The following DYNC2H1 variants were observed in gnomAD, a reference collection of about 807,000 sequenced individuals.
DYNC2H1 encodes the protein dynein cytoplasmic 2 heavy chain 1.
A neutral mutation model predicts 570.0 loss-of-function variants in DYNC2H1; 410 were observed. The observed-to-expected ratio is 0.72, with a 90% CI of 0.66 to 0.78. The LOEUF (loss-of-function observed/expected upper bound fraction) is 0.78. DYNC2H1 is among the 30% of genes least tolerant of loss of function. The probability of loss-of-function intolerance (pLI) is 0.00; values close to 1 mark genes in which losing one functional copy is unlikely to be tolerated. For synonymous variants in DYNC2H1, 1,688 were observed against 1,677.6 expected, an observed-to-expected ratio of 1.01 and a Z score of -0.15; for missense variants, 4,865 against 5,046.4, an observed-to-expected ratio of 0.96 and a Z score of 1.09.
rs1863065413 is a variant in DYNC2H1 at position 103,209,504 on chromosome 11, C to T, written c.8455-372C>T. Among the ~76,000 whole-genome samples, 1 of 151,380 alleles carries T rather than the reference C, an allele frequency of 6.6e-6. No homozygotes were observed. The highest frequency in any genetic ancestry group is 2.4e-5 in the African/African-American group (1 of 41,256). ...TGAAAAAGCTAAGAATCCTTGCTACCCCACTATGTCATGAAGGCATTTTAC... is the reference window on the plus strand; with the variant it reads ...TGAAAAAGCTAAGAATCCTTGCTACTCCACTATGTCATGAAGGCATTTTAC... On this transcript the variant is annotated intron_variant, in intron 52 of 88. Transcript: ENST00000375735. The surrounding 1 kb of genome is among the most constrained non-coding windows in gnomAD (Gnocchi z 4.2).
chr11:103,297,377 G>C (rs1179066280), intron 75 of DYNC2H1, among the ~76,000 whole-genome samples: 2 of 152,148 alleles, frequency 1.3e-5, no homozygotes, highest in East Asian at 3.8e-4. Context: ...CAGTTTAACA[G>C]TGTTTAACAA....
At chr11:103,381,543 G>A (rs1416124505) in intron 83 of DYNC2H1, among the ~76,000 whole-genome samples, 1 of 152,116 alleles carries the variant, frequency 6.6e-6, no homozygotes, top group Non-Finnish European at 1.5e-5. Context: ...TCCACCTCCC[G>A]CGTTCAAGCA....
chr11:103,349,714 C>A (rs1939948829), intron 82 of DYNC2H1, among the ~76,000 whole-genome samples: 1 of 152,078 alleles, frequency 6.6e-6, no homozygotes, highest in East Asian at 1.9e-4. Flanking sequence ...GTTAAAATTG[C>A]ACTAACTAGC....
chr11:103,392,613 G>T (rs911847771), intron 83 of DYNC2H1, among the ~76,000 whole-genome samples: 4 of 151,894 alleles, frequency 2.6e-5, no homozygotes. Context: ...GTTCCTATTC[G>T]GCCATCTTGG....
chr11:103,292,301 A>C (rs1472514975), intron 75 of DYNC2H1, among the ~76,000 whole-genome samples: 2 of 152,088 alleles, frequency 1.3e-5, no homozygotes, highest in East Asian at 3.9e-4. Flanking sequence ...AAGAAAACAT[A>C]ACCAGTGGAT....
At chr11:103,173,742 C>G (rs146997265) in intron 35 of DYNC2H1, among the ~76,000 whole-genome samples, 2 of 152,150 alleles carry the variant, frequency 1.3e-5, no homozygotes, top group African/African-American at 4.8e-5. Context: ...GTGAACTAGA[C>G]AGTGTCAGAG....
At chr11:103,376,131 T>C (rs890008917) in intron 83 of DYNC2H1, among the ~76,000 whole-genome samples, 8 of 152,206 alleles carry the variant, frequency 5.3e-5, no homozygotes, top group Non-Finnish European at 1.2e-4. Flanking sequence ...CTGGCACTCA[T>C]TCTCTCTCCT....
rs1352415 is a variant in DYNC2H1, at chr11:103,187,698, T to C, written c.7140+112T>C. 0.25 allele frequency: 328,675 copies of C among 1,319,486 alleles called. 42,438 individuals are homozygous for C. Among genetic ancestry groups the C allele is most frequent in the Middle Eastern group, 0.35 (1,280 of 3,702 alleles). 81.7% of individuals were successfully genotyped at this position (1,319,486 alleles called of 1,614,324 possible). A position where few individuals can be genotyped will look rare whatever the true frequency, so the allele number is the denominator to read the frequency against. ...TGGGGCCAGTTTTATCTAGCATTTG[T>C]CATGGAAATTAAACTCCTGAAACAC... On this transcript the variant is annotated intron_variant, in intron 43 of 88. Coordinates refer to ENST00000375735, the MANE Select transcript of DYNC2H1 (RefSeq NM_001377.3).
rs1237995015 is a variant in DYNC2H1 at position 103,173,142 on chromosome 11, G to A, written c.5395G>A (p.Gly1799Arg). Reference sequence around the variant, plus strand: ...TATGAATCCTGCTGGAAAAGGTTATGGAGGAAGACAAAAACTGCCTGATAA... The same window carrying A: ...TATGAATCCTGCTGGAAAAGGTTATAGAGGAAGACAAAAACTGCCTGATAA... ...ITMNPAGKGY[G>R]GRQKLPDNLK... Residue 1799 changes from glycine to arginine, a missense_variant, in exon 35 of 89, where the codon GGA becomes AGA. Physicochemically the swap from Gly to Arg is moderately radical, Grantham distance 125. Transcript: ENST00000375735. 1 of 1,546,800 alleles carries A rather than the reference G, an allele frequency of 6.5e-7. No homozygotes were observed. Among genetic ancestry groups the A allele is most frequent in the Non-Finnish European group, 8.7e-7 (1 of 1,146,628 alleles).
intron 84 of DYNC2H1, among the ~76,000 whole-genome samples, chr11:103,413,353 TTTAAGGTA>T (rs538157110): frequency 4.7e-4 from 72 of 152,328 alleles, no homozygotes; most frequent in African/African-American, 1.7e-3. Context: ...ATTTTTTTCA[TTTAAGGTA>T]TTACCTCATG....
intron 83 of DYNC2H1, among the ~76,000 whole-genome samples, chr11:103,372,237 T>G (rs1431071574): frequency 3.9e-5 from 6 of 151,948 alleles, no homozygotes; most frequent in African/African-American, 7.3e-5. Flanking sequence ...TAGGCTGGTC[T>G]CGAACTCCTG....
chr11:103,376,801 A>G (rs1941411166), intron 83 of DYNC2H1, among the ~76,000 whole-genome samples: 1 of 152,154 alleles, frequency 6.6e-6, no homozygotes, highest in Non-Finnish European at 1.5e-5. Context: ...ATGTGCTTTT[A>G]TCATTTTTTG....
chr11:103,264,620 AG>A lies in DYNC2H1; in HGVS notation c.10695+4645del, dbSNP rs1445703224. On this transcript the variant is annotated intron_variant, in intron 70 of 88. Transcript: ENST00000375735. The surrounding 1 kb of genome is among the most constrained non-coding windows in gnomAD (Gnocchi z 4.8). ...ATGATTATCTCAATAGATGCAGAAA[AG>A]GCCTCCAATAAAATTCAACACACCT... Among the ~76,000 whole-genome samples, 5 of 152,242 alleles carry A rather than the reference AG, an allele frequency of 3.3e-5. No individual in the cohort carries two copies. Among genetic ancestry groups the A allele is most frequent in the African/African-American group, 1.2e-4 (5 of 41,464 alleles).
chr11:103,437,565 C>T (rs1247711419), intron 85 of DYNC2H1, among the ~76,000 whole-genome samples: 1 of 152,096 alleles, frequency 6.6e-6, no homozygotes, highest in Non-Finnish European at 1.5e-5. Flanking sequence ...AGAGAAGAAT[C>T]TGGCAGGGAC....
intron 84 of DYNC2H1, among the ~76,000 whole-genome samples, chr11:103,426,790 G>A (rs12796183): frequency 0.052 from 7,938 of 152,202 alleles, 390 homozygotes; most frequent in East Asian, 0.19. Context: ...GATTGGTCGC[G>A]TTAATGCGCA....
rs778335025 is a variant in DYNC2H1 at position 103,134,329 on chromosome 11, T to A, written c.2115T>A (p.Val705=). 9.9e-6 allele frequency: 16 copies of A among 1,612,798 alleles called. No homozygotes were observed. The highest frequency in any genetic ancestry group is 1.2e-5 in the Non-Finnish European group (14 of 1,179,166). ...GCTCTAATTTTTCATAGGTGGTTGT[T>A]CTTATGAATATTGATCTGCTTCGGC... is the stretch of plus-strand genomic sequence containing the variant. ...WHTTFCEKVV[V]LMNIDLLRQQ... is the part of the protein sequence containing the mutation. Residue 705 remains valine, a synonymous_variant, in exon 15 of 89, where the codon GTT becomes GTA. Transcript: ENST00000375735.
Position 103,261,598 on chromosome 11 carries a change from C to T in DYNC2H1, c.10695+1621C>T, listed in dbSNP as rs1865288823. Among the ~76,000 whole-genome samples the T allele has an allele frequency of 6.6e-6, 1 of 152,134 alleles. No individual in the cohort carries two copies. The highest frequency in any genetic ancestry group is 6.5e-5 in the Admixed American group (1 of 15,280). On this transcript the variant is annotated intron_variant, in intron 70 of 88. Coordinates refer to ENST00000375735, the MANE Select transcript of DYNC2H1 (RefSeq NM_001377.3). The surrounding 1 kb of genome is among the most constrained non-coding windows in gnomAD (Gnocchi z 4.8). ...CCTGCAAAGTCCAGCAGACCTGCAGCAGAGGGGCCTGACTGTTAGAAGGAA... is the reference window on the plus strand; with the variant it reads ...CCTGCAAAGTCCAGCAGACCTGCAGTAGAGGGGCCTGACTGTTAGAAGGAA...
At chr11:103,126,555 A>G (rs949201881) in intron 12 of DYNC2H1, among the ~76,000 whole-genome samples, 8 of 152,172 alleles carry the variant, frequency 5.3e-5, no homozygotes, top group African/African-American at 1.9e-4. Flanking sequence ...CAGATGTTTA[A>G]CAAAGTTTTC....
chr11:103,427,845 A>C (rs1943727917), intron 84 of DYNC2H1, among the ~76,000 whole-genome samples: 2 of 152,136 alleles, frequency 1.3e-5, no homozygotes, highest in African/African-American at 4.8e-5. Flanking sequence ...ACACACATTC[A>C]GTCCACAGCA....
Sources: allele counts gnomAD v4.1 joint callset (sites outside exome capture counted in the v4.1 genomes callset), GRCh38; gene constraint gnomAD v4.1.1; non-coding constraint Gnocchi (gnomAD v3.1); transcripts MANE v1.5; gene names NCBI Gene and HGNC (gene_info 2026-07-23, HGNC 2026-07-21).